Variants in CCDC32 observed in about 807,000 individuals in gnomAD.
The protein encoded by CCDC32 is coiled-coil domain-containing protein 32.
A neutral mutation model predicts 20.1 loss-of-function variants in CCDC32; 9 were observed. That is an observed-to-expected ratio of 0.45 (90% CI 0.27 to 0.78). The LOEUF (loss-of-function observed/expected upper bound fraction) is 0.78, where lower values mean the gene tolerates loss of function less well. Among genes scored for constraint, CCDC32 ranks in the 30% least tolerant of loss-of-function variants. The pLI is 0.16. For missense variants in CCDC32, 204 were observed against 215.5 expected (o/e 0.95, Z 0.33); for synonymous variants, 63 against 79.0 (o/e 0.80, Z 1.07).
downstream of CCDC32, chr15:40,532,086 T>G (rs1399095435): frequency 1.1e-5 from 5 of 467,992 alleles, no homozygotes; most frequent in African/African-American, 4.0e-5. Flanking sequence ...AAAGAACATT[T>G]TGCTAAGTTG....
the CCDC32 span, among the ~76,000 whole-genome samples, chr15:40,522,149 G>A: frequency 1.3e-5 from 2 of 152,048 alleles, no homozygotes. Context: ...TGTCAGATAG[G>A]GGTCCAATTT....
intron 3 of CCDC32, chr15:40,539,384 C>T (rs753506902): frequency 6.5e-5 from 99 of 1,516,712 alleles, no homozygotes; most frequent in Middle Eastern, 5.0e-4. Flanking sequence ...CCGACAGAGA[C>T]GAGGAAGATA....
chr15:40,521,150 T>C, the CCDC32 span, among the ~76,000 whole-genome samples: 5 of 152,190 alleles, frequency 3.3e-5, no homozygotes, highest in African/African-American at 1.2e-4. Context: ...AAACTTTGTC[T>C]ATCAGTGGAC....
chr15:40,531,037 G>C (rs1285228445), downstream of CCDC32, among the ~76,000 whole-genome samples: 2 of 151,540 alleles, frequency 1.3e-5, no homozygotes, highest in Non-Finnish European at 2.9e-5. Flanking sequence ...AATGCAAAGT[G>C]GACTGATACA....
chr15:40,562,597 A>T (rs1890720108), intron 2 of CCDC32, among the ~76,000 whole-genome samples, 175 bp downstream of exon 2: 1 of 152,126 alleles, frequency 6.6e-6, no homozygotes, highest in Non-Finnish European at 1.5e-5. Flanking sequence ...AAATAAAAAT[A>T]AAAAAAGATC....
downstream of CCDC32, among the ~76,000 whole-genome samples, chr15:40,527,401 T>C (rs962830173): frequency 3.9e-5 from 6 of 152,144 alleles, no homozygotes; most frequent in African/African-American, 1.2e-4. Flanking sequence ...GAACTCCTGA[T>C]CTCAAGCGAT....
At chr15:40,539,880 A>ACACACACACACACACACACACACACACC (rs769226221) in intron 3 of CCDC32, among the ~76,000 whole-genome samples, 6 of 139,040 alleles carry the variant, frequency 4.3e-5, no homozygotes, top group African/African-American at 1.3e-4. Flanking sequence ...ACACACACAC[A>ACACACACACACACACACACACACACACC]CCCCGCTCCT....
intron 3 of CCDC32, chr15:40,539,422 A>T: frequency 1.5e-6 from 2 of 1,346,898 alleles, no homozygotes; most frequent in Non-Finnish European, 2.1e-6. Flanking sequence ...GCACACACTA[A>T]CAGAGTCAAA....
In CCDC32 at chr15:40,557,232, G is replaced by C. The variant is rs768796967; in HGVS notation, c.385C>G (p.Leu129Val). 1 of 1,613,350 alleles carries C rather than the reference G, an allele frequency of 6.2e-7. No homozygotes were observed. Among genetic ancestry groups the C allele is most frequent in the Non-Finnish European group, 8.5e-7 (1 of 1,179,796 alleles). ...ATCGATTACCTCTCATCAGAATCAA[G>C]TCCATCCACAAAGAACTCTGAAGCT... The part of the protein sequence containing the change: ...KLASEFFVDG[L>V]DSDESTLEHF... The change falls in exon 3 of 4, where the codon CTT becomes GTT. Residue 129 changes from leucine (L) to valine (V), a missense_variant. Physicochemically the swap from Leu to Val is conservative, Grantham distance 32. Transcript: ENST00000416810.
At chr15:40,543,774 C>T (rs2141615407) in intron 3 of CCDC32, among the ~76,000 whole-genome samples, 1 of 152,022 alleles carries the variant, frequency 6.6e-6, no homozygotes, top group South Asian at 2.1e-4. Context: ...TTTCTTTGGC[C>T]CCTCAGCTCT....
chr15:40,552,205 G>A (rs1889910462), downstream of CCDC32, among the ~76,000 whole-genome samples: 1 of 151,924 alleles, frequency 6.6e-6, no homozygotes, highest in African/African-American at 2.4e-5. Flanking sequence ...GGAGCGGCCA[G>A]GCGCGGTGGC....
At chr15:40,545,126 A>G (rs1302458101) in intron 3 of CCDC32, among the ~76,000 whole-genome samples, 1 of 151,970 alleles carries the variant, frequency 6.6e-6, no homozygotes, top group Non-Finnish European at 1.5e-5. Context: ...CCTCTACCAT[A>G]CTCTTACCCA....
rs1890000164 is a variant in CCDC32 at position 40,553,383 on chromosome 15, G to C, written c.*588C>G. The C allele has an allele frequency of 1.0e-6, 1 of 985,272 alleles. No individual in the cohort carries two copies. The highest frequency in any genetic ancestry group is 6.1e-5 in the Admixed American group (1 of 16,268). The allele number at this position is 985,272 out of a possible 1,614,324, so 61.0% of individuals were successfully genotyped here. A position where few individuals can be genotyped will look rare whatever the true frequency, so the allele number is the denominator to read the frequency against. On this transcript the variant is annotated 3_prime_UTR_variant, in exon 4 of 4. Transcript: ENST00000416810. The stretch of plus-strand genomic sequence containing the variant: ...CTTCTTTTGCCCATTTGTTCCACAA[G>C]GAACAAATGAGAGAAAGAAGCCCAG...
At chr15:40,532,815 G>A (rs540206479), downstream of CCDC32, among the ~76,000 whole-genome samples, 36 of 142,994 alleles carry the variant, frequency 2.5e-4, no homozygotes, top group African/African-American at 8.9e-4. Flanking sequence ...TCGACTTCCC[G>A]GGTTCAGTTG....
intron 3 of CCDC32, among the ~76,000 whole-genome samples, chr15:40,539,804 A>AG (rs1889298150): frequency 6.7e-6 from 1 of 149,890 alleles, no homozygotes; most frequent in Admixed American, 6.7e-5. Context: ...CCACCTTAAG[A>AG]GGGGCCCTCC....
At chr15:40,560,322 A>G (rs1019621250) in intron 2 of CCDC32, among the ~76,000 whole-genome samples, 1 of 152,160 alleles carries the variant, frequency 6.6e-6, no homozygotes, top group Admixed American at 6.6e-5. Context: ...CAAAAAATTT[A>G]TGACTAAGAT....
At chr15:40,564,566 C>T (rs1256172760) in intron 1 of CCDC32, among the ~76,000 whole-genome samples, 1 of 152,122 alleles carries the variant, frequency 6.6e-6, no homozygotes, top group East Asian at 1.9e-4. Context: ...CACCTTCTTT[C>T]AAGAGGAGAC....
chr15:40,564,149 C>T (rs533173234), intron 1 of CCDC32, among the ~76,000 whole-genome samples: 68 of 152,266 alleles, frequency 4.5e-4, no homozygotes, highest in African/African-American at 1.6e-3. Flanking sequence ...AGAACACAGA[C>T]TAAAGGTCTT....
In CCDC32 at chr15:40,553,595, A is replaced by G. The variant is rs1890016509; in HGVS notation, c.*376T>C. The G allele has an allele frequency of 9.9e-6, 10 of 1,011,760 alleles. No individual in the cohort carries two copies. Among genetic ancestry groups the G allele is most frequent in the Non-Finnish European group, 1.2e-5 (10 of 847,694 alleles). The allele number at this position is 1,011,760 out of a possible 1,614,324, so 62.7% of individuals were successfully genotyped here. On this transcript the variant is annotated 3_prime_UTR_variant, in exon 4 of 4. Transcript: ENST00000416810. Reference sequence around the variant, plus strand: ...AAAATATATGGCTCACTTAACTTACACATTACACATAAGAGGCCTCAGTTT... The same window carrying G: ...AAAATATATGGCTCACTTAACTTACGCATTACACATAAGAGGCCTCAGTTT...
Sources: gnomAD v4.1 joint callset for allele counts (sites outside exome capture counted in the v4.1 genomes callset) on GRCh38, gnomAD v4.1.1 for gene constraint, MANE v1.5 for transcripts, NCBI Gene and HGNC (gene_info 2026-07-23, HGNC 2026-07-21) for gene names.